Variants in EPHA5 observed in about 807,000 individuals in gnomAD.
EPHA5 encodes the protein EPH receptor A5, also known as ephrin type-A receptor 5.
A neutral mutation model predicts 105.0 loss-of-function variants in EPHA5; 60 were observed. The ratio of observed to expected loss-of-function variants is 0.57; its 90% CI spans 0.46 to 0.71. EPHA5 has a LOEUF of 0.71. EPHA5 is among the 30% of genes least tolerant of loss of function. The pLI, the probability that EPHA5 is intolerant of heterozygous loss-of-function variation, is 0.00. For synonymous variants in EPHA5, 513 were observed against 449.1 expected (o/e 1.14, Z -1.80); for missense variants, 1,218 against 1,274.7 (o/e 0.96, Z 0.68).
At chr4:65,410,270 A>G (rs1390647474) in intron 7 of EPHA5, among the ~76,000 whole-genome samples, 1 of 152,242 alleles carries the variant, frequency 6.6e-6, no homozygotes, top group Non-Finnish European at 1.5e-5. Context: ...AATCTGGATC[A>G]ATCTGCAGGG....
Position 65,336,098 on chromosome 4 carries a change from G to C in EPHA5, c.2623C>G (p.Arg875Gly), listed in dbSNP as rs556854839. ...GGACAATCCATGGGGCTTGGCAGAC[G>C]ATAGCCTTCCTCTACCGCTTTAATC... ...DVIKAVEEGY[R>G]LPSPMDCPAA... is the part of the protein sequence containing the mutation. The change falls in exon 15 of 17, where the codon CGT becomes GGT. Residue 875 changes from arginine to glycine, a missense_variant. Around this residue, in one of 3 missense-constraint regions of EPHA5, gnomAD observed 971 missense variants for 1,013.5 expected, o/e 0.96. Coordinates refer to ENST00000613740, the MANE Select transcript of EPHA5 (RefSeq NM_001281766.3). 1 of 1,611,182 alleles carries C rather than the reference G, an allele frequency of 6.2e-7. No individual in the cohort carries two copies. Among genetic ancestry groups the C allele is most frequent in the Non-Finnish European group, 8.5e-7 (1 of 1,178,532 alleles).
At chr4:65,539,318 C>T (rs1001875693) in intron 3 of EPHA5, among the ~76,000 whole-genome samples, 4 of 151,048 alleles carry the variant, frequency 2.6e-5, no homozygotes, top group Non-Finnish European at 5.9e-5. Context: ...ACAGATAAAA[C>T]CAAGACAAAG....
At chr4:65,576,058 GA>G (rs367708248) in intron 3 of EPHA5, among the ~76,000 whole-genome samples, 3,687 of 48,726 alleles carry the variant, frequency 0.076, 137 homozygotes, top group African/African-American at 0.086. Context: ...AAGAAAGAAA[GA>G]AAAGAAAAGA....
At chr4:65,470,911 A>T (rs976175834) in intron 5 of EPHA5, among the ~76,000 whole-genome samples, 2 of 152,214 alleles carry the variant, frequency 1.3e-5, no homozygotes, top group African/African-American at 4.8e-5. Context: ...CTAAATTAGG[A>T]GTATGTGCCT....
At chr4:65,376,883 G>A in intron 8 of EPHA5, 1 of 811,920 alleles carries the variant, frequency 1.2e-6, no homozygotes, top group Non-Finnish European at 1.8e-6. Flanking sequence ...GATTCACCTT[G>A]GGGAGCCAGT....
At chr4:65,427,954 A>G (rs1724607250) in intron 5 of EPHA5, among the ~76,000 whole-genome samples, 1 of 152,094 alleles carries the variant, frequency 6.6e-6, no homozygotes. Context: ...CAGACTACAT[A>G]TATATTTTTA....
At chr4:65,477,516 G>A (rs909564370) in intron 5 of EPHA5, among the ~76,000 whole-genome samples, 1 of 151,934 alleles carries the variant, frequency 6.6e-6, no homozygotes, top group Non-Finnish European at 1.5e-5. Flanking sequence ...GGGTTTAAGT[G>A]ATTCTCCTGC....
At chr4:65,605,040 T>C (rs1220293838) in intron 2 of EPHA5, among the ~76,000 whole-genome samples, 2 of 152,234 alleles carry the variant, frequency 1.3e-5, no homozygotes, top group African/African-American at 4.8e-5. Context: ...AATTATTCAA[T>C]GCCATCCCCT....
chr4:65,513,381 T>A (rs1200134749), intron 3 of EPHA5, among the ~76,000 whole-genome samples: 1 of 152,134 alleles, frequency 6.6e-6, no homozygotes, highest in African/African-American at 2.4e-5. Flanking sequence ...GGGGTTTTTT[T>A]GTTTGTTTTG....
intron 3 of EPHA5, among the ~76,000 whole-genome samples, chr4:65,570,179 A>G (rs1289461077): frequency 6.6e-6 from 1 of 151,830 alleles, no homozygotes; most frequent in Non-Finnish European, 1.5e-5. Context: ...AAGATGATAG[A>G]ACTATACTCC....
At chr4:65,395,567 A>T (rs1721139076) in intron 8 of EPHA5, among the ~76,000 whole-genome samples, 1 of 152,184 alleles carries the variant, frequency 6.6e-6, no homozygotes. Context: ...CATAATTATG[A>T]TAGCCTCTGT....
rs573835014 is a variant in EPHA5 at position 65,324,100 on chromosome 4, A to T, written c.*14T>A. On this transcript the variant is annotated 3_prime_UTR_variant, in exon 17 of 17. Transcript: ENST00000613740. ...GCAGAATCATTCACTTGAAGAAGCGACATTTACATGAAGTTACAATGGCAC... is the reference window on the plus strand; with the variant it reads ...GCAGAATCATTCACTTGAAGAAGCGTCATTTACATGAAGTTACAATGGCAC... 6.4e-7 allele frequency: 1 copy of T among 1,568,672 alleles called. No homozygotes were observed. Among genetic ancestry groups the T allele is most frequent in the African/African-American group, 1.4e-5 (1 of 73,734 alleles).
chr4:65,383,731 T>G (rs1719812925), intron 8 of EPHA5, among the ~76,000 whole-genome samples: 1 of 151,768 alleles, frequency 6.6e-6, no homozygotes, highest in Non-Finnish European at 1.5e-5. Flanking sequence ...TATAAATCAG[T>G]GACTCAGACA....
chr4:65,650,580 T>C lies in EPHA5; in HGVS notation c.182-7153A>G, dbSNP rs988759870. Among the ~76,000 whole-genome samples the C allele has an allele frequency of 6.2e-5, 6 of 96,628 alleles. No homozygotes were observed. In the South Asian group the frequency reaches 1.9e-3, roughly 31 times the overall value. The allele number at this position is 96,628 out of a possible 152,430, so 63.4% of individuals were successfully genotyped here. On this transcript the variant is annotated intron_variant, in intron 1 of 16. Transcript: ENST00000613740. ...GTCTCAAAAAAAAAAAAAGAGCTAG[T>C]TGTTAGTTGTTCTATCCAAATATCT...
rs1305598791 is a variant in EPHA5 at position 65,349,273 on chromosome 4, A to G, written c.2446-1070T>C. 4.6e-5 allele frequency among the ~76,000 whole-genome samples: 7 copies of G among 152,260 alleles called. No homozygotes were observed. The East Asian group carries it at 1.2e-3, about 25-fold the overall frequency. On this transcript the variant is annotated intron_variant, in intron 13 of 16. Transcript: ENST00000613740. The stretch of plus-strand genomic sequence containing the variant: ...CTTGTTTGACTAAACCAAATTAAAA[A>G]TTATTGAAATTGGATTGGGGGAAAA...
Position 65,663,021 on chromosome 4 carries a change from C to G in EPHA5, c.181+6541G>C, listed in dbSNP as rs184390073. On this transcript the variant is annotated intron_variant, in intron 1 of 16. Coordinates refer to ENST00000613740, the MANE Select transcript of EPHA5 (RefSeq NM_001281766.3). ...TTTTGTTTGACAAAGTTTTGTTATG[C>G]TCACCTATAGTATAACTAATAATTT... 2.1e-3 allele frequency among the ~76,000 whole-genome samples: 327 copies of G among 152,184 alleles called. 4 individuals are homozygous for G. The highest frequency in any genetic ancestry group is 0.012 in the Admixed American group (178 of 15,276).
intron 16 of EPHA5, among the ~76,000 whole-genome samples, chr4:65,330,055 C>T (rs984770160): frequency 8.6e-5 from 13 of 151,388 alleles, no homozygotes; most frequent in African/African-American, 3.1e-4. Flanking sequence ...GGCCCAATTA[C>T]TGGTAAGAAA....
intron 4 of EPHA5, among the ~76,000 whole-genome samples, chr4:65,494,850 C>A (rs182573844): frequency 6.6e-6 from 1 of 151,982 alleles, no homozygotes; most frequent in Admixed American, 6.6e-5. Flanking sequence ...TTCCTGTGTT[C>A]TTTTATAAAT....
intron 3 of EPHA5, among the ~76,000 whole-genome samples, chr4:65,519,344 C>G (rs1490849591): frequency 6.6e-6 from 1 of 152,056 alleles, no homozygotes; most frequent in Non-Finnish European, 1.5e-5. Context: ...ATGCCAAAAA[C>G]TCTCAATAAA....
Sources: allele counts gnomAD v4.1 joint callset (sites outside exome capture counted in the v4.1 genomes callset), GRCh38; gene constraint gnomAD v4.1.1; regional missense constraint gnomAD v4.1.1; transcripts MANE v1.5; gene names NCBI Gene and HGNC (gene_info 2026-07-23, HGNC 2026-07-21).